FAM135B: variants seen among roughly 807,000 people sequenced by gnomAD.
The protein encoded by FAM135B is family with sequence similarity 135 member B, also known as protein FAM135B.
FAM135B carries 43 observed loss-of-function variants against 127.7 expected under a neutral mutation model. The observed-to-expected ratio is 0.34, with a 90% CI of 0.26 to 0.43. The LOEUF (loss-of-function observed/expected upper bound fraction) is 0.43, where lower values mean the gene tolerates loss of function less well. Among genes scored for constraint, FAM135B ranks in the 20% least tolerant of loss-of-function variants. The pLI, the probability that FAM135B is intolerant of heterozygous loss-of-function variation, is 1.00. For missense variants in FAM135B, 1,558 were observed against 1,725.6 expected, an observed-to-expected ratio of 0.90 and a Z score of 1.72; for synonymous variants, 670 against 665.1, an observed-to-expected ratio of 1.01 and a Z score of -0.11.
chr8:138,391,732 GT>G (rs56807193), intron 1 of FAM135B, among the ~76,000 whole-genome samples: 48,110 of 152,040 alleles, frequency 0.32, 8,019 homozygotes, highest in Non-Finnish European at 0.37. Flanking sequence ...CTGTTCTAAG[GT>G]TTGTATATAA....
chr8:138,351,957 T>G (rs145411782), intron 2 of FAM135B, among the ~76,000 whole-genome samples: 2,061 of 152,306 alleles, frequency 0.014, 39 homozygotes, highest in African/African-American at 0.047. Flanking sequence ...CCCAAAGTGC[T>G]GGGATTACAG....
At chr8:138,495,311 G>A (rs977432732) in intron 1 of FAM135B, among the ~76,000 whole-genome samples, 2 of 152,148 alleles carry the variant, frequency 1.3e-5, no homozygotes, top group African/African-American at 4.8e-5. Flanking sequence ...CACAGCAGGT[G>A]CATGAGGAAA....
At chr8:138,181,762 T>C (rs1044361871) in intron 9 of FAM135B, among the ~76,000 whole-genome samples, 5 of 152,198 alleles carry the variant, frequency 3.3e-5, no homozygotes, top group African/African-American at 1.2e-4. Context: ...ACAGTCCATA[T>C]TGCTTCTGAT....
chr8:138,200,136 C>T (rs1030309389), intron 7 of FAM135B, among the ~76,000 whole-genome samples: 4 of 152,216 alleles, frequency 2.6e-5, no homozygotes, highest in Non-Finnish European at 4.4e-5. Context: ...GAACTTTACC[C>T]TCCATGGCTT....
intron 1 of FAM135B, among the ~76,000 whole-genome samples, chr8:138,471,726 G>C (rs1185436105): frequency 6.6e-6 from 1 of 152,134 alleles, no homozygotes; most frequent in Non-Finnish European, 1.5e-5. Context: ...CTTTGAAGTA[G>C]ATAAGAACAC....
intron 3 of FAM135B, among the ~76,000 whole-genome samples, chr8:138,304,292 A>C (rs1325437435): frequency 6.6e-6 from 1 of 152,182 alleles, no homozygotes; most frequent in Non-Finnish European, 1.5e-5. Context: ...AACTCCCAGG[A>C]AAGTTTAATT....
chr8:138,154,801 G>A (rs192172394), intron 12 of FAM135B, among the ~76,000 whole-genome samples: 1,643 of 152,284 alleles, frequency 0.011, 13 homozygotes, highest in Non-Finnish European at 0.017. Context: ...TATGTGAAAA[G>A]ACCAAATATA....
chr8:138,422,957 C>A (rs1014633210), intron 1 of FAM135B, among the ~76,000 whole-genome samples: 2 of 152,178 alleles, frequency 1.3e-5, no homozygotes, highest in African/African-American at 4.8e-5. Context: ...AAATCATGTT[C>A]TTTGCCGCCA....
intron 2 of FAM135B, among the ~76,000 whole-genome samples, chr8:138,361,116 CAG>C (rs1386892623): frequency 6.6e-6 from 1 of 151,982 alleles, no homozygotes; most frequent in Non-Finnish European, 1.5e-5. Context: ...TTAGTAGAGA[CAG>C]GGTTTCACCA....
chr8:138,388,274 G>T (rs1171725345), intron 1 of FAM135B, among the ~76,000 whole-genome samples: 1 of 152,178 alleles, frequency 6.6e-6, no homozygotes, highest in Non-Finnish European at 1.5e-5. Flanking sequence ...TGGAGTAATA[G>T]AAACTCATTC....
At chr8:138,208,009 G>A (rs770095308) in intron 7 of FAM135B, among the ~76,000 whole-genome samples, 1 of 152,102 alleles carries the variant, frequency 6.6e-6, no homozygotes, top group Non-Finnish European at 1.5e-5. Context: ...CACTCATTTG[G>A]GGAAAAGAAG....
intron 1 of FAM135B, among the ~76,000 whole-genome samples, chr8:138,485,303 C>T (rs555637441): frequency 6.6e-6 from 1 of 152,270 alleles, no homozygotes; most frequent in South Asian, 2.1e-4. Flanking sequence ...TCCAAAGCCA[C>T]ACAAGGTCCC....
chr8:138,442,054 G>A (rs1835804940), intron 1 of FAM135B, among the ~76,000 whole-genome samples: 1 of 151,352 alleles, frequency 6.6e-6, no homozygotes, highest in African/African-American at 2.4e-5. Flanking sequence ...TATGCAGCAG[G>A]CAAACGATGT....
chr8:138,234,672 G>A (rs781714877), intron 7 of FAM135B, among the ~76,000 whole-genome samples: 4 of 152,284 alleles, frequency 2.6e-5, no homozygotes, highest in African/African-American at 4.8e-5. Flanking sequence ...AAACAGTGGC[G>A]CCTCTTGTAT....
At chr8:138,249,830 G>A (rs543140614) in intron 6 of FAM135B, among the ~76,000 whole-genome samples, 8 of 152,290 alleles carry the variant, frequency 5.3e-5, no homozygotes, top group East Asian at 1.9e-4. Context: ...AACATTCTAC[G>A]CATAAACATT....
chr8:138,216,370 G>A (rs1818545829), intron 7 of FAM135B, among the ~76,000 whole-genome samples: 1 of 152,050 alleles, frequency 6.6e-6, no homozygotes. Context: ...TGAGTTCTAG[G>A]TGCTTACACA....
intron 1 of FAM135B, chr8:138,441,156 A>T (rs1241796571): frequency 6.6e-6 from 1 of 152,134 alleles, no homozygotes; most frequent in Admixed American, 6.6e-5. Flanking sequence ...GCATGCTGGG[A>T]TGGATATTTT....
chr8:138,287,459 TTTTTTTC>T (rs1239998544), intron 3 of FAM135B, among the ~76,000 whole-genome samples: 4 of 150,020 alleles, frequency 2.7e-5, no homozygotes, highest in Middle Eastern at 3.4e-3. Context: ...TTTTTTTTTT[TTTTTTTC>T]AAATCTGCAT....
chr8:138,433,262 T>C (rs986177574), intron 1 of FAM135B, among the ~76,000 whole-genome samples: 3 of 152,074 alleles, frequency 2.0e-5, no homozygotes, highest in African/African-American at 7.2e-5. Context: ...GGCTCATGCC[T>C]GTAAATCCCA....
Sources: gnomAD v4.1 joint callset for allele counts (sites outside exome capture counted in the v4.1 genomes callset) on GRCh38, gnomAD v4.1.1 for gene constraint, MANE v1.5 for transcripts, NCBI Gene and HGNC (gene_info 2026-07-23, HGNC 2026-07-21) for gene names.